The following CCDC138 variants were observed in gnomAD, a reference collection of about 807,000 sequenced individuals.
CCDC138 encodes the protein coiled-coil domain-containing protein 138.
Under a neutral mutation model 82.3 loss-of-function variants are expected in CCDC138, and 66 were observed. The ratio of observed to expected loss-of-function variants is 0.80; its 90% CI spans 0.66 to 0.98. CCDC138 has a LOEUF of 0.98. Among genes scored for constraint, CCDC138 ranks in the 50% least tolerant of loss-of-function variants. The pLI is 0.00. For synonymous variants in CCDC138, 297 were observed against 265.4 expected, an observed-to-expected ratio of 1.12 and a Z score of -1.16; for missense variants, 816 against 758.9, an observed-to-expected ratio of 1.08 and a Z score of -0.88.
chr2:108,815,461 GTTTTT>G (rs35206784), intron 9 of CCDC138, among the ~76,000 whole-genome samples: 24 of 70,740 alleles, frequency 3.4e-4, no homozygotes, highest in African/African-American at 1.2e-3. Flanking sequence ...GGTTTTTGGT[GTTTTT>G]TTTTTTTTTT....
At chr2:108,799,951 G>A (rs1681613861) in intron 6 of CCDC138, among the ~76,000 whole-genome samples, 1 of 151,790 alleles carries the variant, frequency 6.6e-6, no homozygotes. Context: ...ATTTCAAGTT[G>A]TTTAAAAAAT....
intron 13 of CCDC138, among the ~76,000 whole-genome samples, chr2:108,860,787 A>G (rs1693430449): frequency 6.6e-6 from 1 of 151,674 alleles, no homozygotes; most frequent in African/African-American, 2.4e-5. Context: ...TCTTTGCCAG[A>G]TTTTGGCATC....
intron 5 of CCDC138, 68 bp from the exon 6 acceptor site, chr2:108,798,360 C>T: frequency 1.3e-6 from 2 of 1,543,956 alleles, no homozygotes; most frequent in Admixed American, 2.0e-5. Flanking sequence ...ACAGTGTCAG[C>T]CAATAGGAAT....
intron 4 of CCDC138, among the ~76,000 whole-genome samples, chr2:108,792,424 T>G (rs1680054307): frequency 1.3e-5 from 2 of 152,170 alleles, no homozygotes; most frequent in Non-Finnish European, 2.9e-5. Flanking sequence ...GTGGAAAACA[T>G]GGGATAAGGT....
Position 108,811,247 on chromosome 2 carries a change from C to CTCTTTTTTTTTTTTTTTTTTTTT in CCDC138, c.856-1383_856-1382insCTTTTTTTTTTTTTTTTTTTTTT, listed in dbSNP as rs760937756. On this transcript the variant is annotated intron_variant, in intron 7 of 14. Transcript: ENST00000295124. ...CTCCCTTTTCTTTCTTTCTCTCTCT[C>CTCTTTTTTTTTTTTTTTTTTTTT]TTTTTTTTTTTTTTTGACTGTCTCC... Among the ~76,000 whole-genome samples the CTCTTTTTTTTTTTTTTTTTTTTT allele has an allele frequency of 1.1e-3, 124 of 113,830 alleles. 4 individuals are homozygous for CTCTTTTTTTTTTTTTTTTTTTTT. The highest frequency in any genetic ancestry group is 4.7e-3 in the African/African-American group (122 of 26,208). The allele number at this position is 113,830 out of a possible 152,430, so 74.7% of individuals were successfully genotyped here.
intron 7 of CCDC138, among the ~76,000 whole-genome samples, chr2:108,807,328 C>G (rs932983807): frequency 1.3e-5 from 2 of 152,002 alleles, no homozygotes; most frequent in African/African-American, 4.8e-5. Flanking sequence ...AATTTGAAAA[C>G]TAAAAAATAC....
intron 13 of CCDC138, among the ~76,000 whole-genome samples, chr2:108,868,737 G>T (rs918433850): frequency 1.3e-5 from 2 of 152,014 alleles, no homozygotes; most frequent in Admixed American, 6.6e-5. Context: ...GCTTTGTTAT[G>T]TAGAGCCTTT....
At chr2:108,812,481 C>T (rs559820968) in intron 7 of CCDC138, 150 bp from the exon 8 acceptor site, 2 of 599,842 alleles carry the variant, frequency 3.3e-6, no homozygotes, top group South Asian at 2.3e-5. Context: ...ACGACAACTT[C>T]AGTTGTGATC....
chr2:108,865,800 G>A (rs1694320179), intron 13 of CCDC138, among the ~76,000 whole-genome samples: 1 of 152,090 alleles, frequency 6.6e-6, no homozygotes, highest in African/African-American at 2.4e-5. Flanking sequence ...TGCTTACTCC[G>A]TGATGAGCCA....
chr2:108,837,460 G>A (rs186741905), intron 10 of CCDC138, among the ~76,000 whole-genome samples: 86 of 152,176 alleles, frequency 5.7e-4, no homozygotes, highest in Admixed American at 7.2e-4. Context: ...ATGGTAGACC[G>A]TATATATGAT....
intron 9 of CCDC138, among the ~76,000 whole-genome samples, chr2:108,815,508 C>G (rs1466094969): frequency 2.3e-5 from 3 of 127,706 alleles, no homozygotes; most frequent in African/African-American, 5.8e-5. Flanking sequence ...GCTCTTTTGC[C>G]CAGATTGGTG....
At chr2:108,808,517 A>G (rs1683235473) in intron 7 of CCDC138, among the ~76,000 whole-genome samples, 3 of 152,278 alleles carry the variant, frequency 2.0e-5, no homozygotes, top group African/African-American at 7.2e-5. Context: ...ATCCTCACCA[A>G]CGTTTATTAC....
At chr2:108,828,165 A>G (rs964384955) in intron 10 of CCDC138, among the ~76,000 whole-genome samples, 1 of 152,190 alleles carries the variant, frequency 6.6e-6, no homozygotes, top group Non-Finnish European at 1.5e-5. Flanking sequence ...ACACCAAAAT[A>G]TATTGTAGAT....
chr2:108,796,782 T>C (rs1006533529), intron 5 of CCDC138, among the ~76,000 whole-genome samples: 3 of 151,992 alleles, frequency 2.0e-5, no homozygotes, highest in African/African-American at 7.3e-5. Context: ...GTGGGTCTCA[T>C]AGAAATAGAG....
downstream of CCDC138, among the ~76,000 whole-genome samples, chr2:108,877,653 C>A (rs57332691): frequency 0.013 from 2,000 of 152,248 alleles, 62 homozygotes; most frequent in South Asian, 0.082. Flanking sequence ...CCTGGCACTT[C>A]TGCATGGCAG....
At chr2:108,805,801 C>T in intron 7 of CCDC138, among the ~76,000 whole-genome samples, 1 of 152,090 alleles carries the variant, frequency 6.6e-6, no homozygotes, top group Middle Eastern at 3.4e-3. Context: ...TGAGTTATGT[C>T]TATTTTTTTC....
chr2:108,806,484 T>C (rs892805844), intron 7 of CCDC138, among the ~76,000 whole-genome samples: 2 of 152,318 alleles, frequency 1.3e-5, no homozygotes, highest in South Asian at 4.1e-4. Flanking sequence ...TTTTATGGTT[T>C]CTGTGTTAAG....
intron 2 of CCDC138, chr2:108,884,473 C>T (rs1478515): frequency 0.71 from 107,497 of 152,130 alleles, 41,377 homozygotes; most frequent in East Asian, 0.9. Context: ...TGTTCCCATT[C>T]TGAAAAGCTT....
rs763105841 is a variant in CCDC138 at position 108,812,849 on chromosome 2, A to G, written c.963A>G (p.Arg321=). Residue 321 remains arginine, a synonymous_variant, in exon 9 of 15, where the codon AGA becomes AGG. Transcript: ENST00000295124. ...AGTACGAGTTTATGACAATACAGAG[A>G]TTGAAAGGAAGTTCCCATGCTGTTC... The part of the protein sequence containing the change: ...QRKYEFMTIQ[R]LKGSSHAVHE... 1 of 1,613,356 alleles carries G rather than the reference A, an allele frequency of 6.2e-7. No homozygotes were observed. The highest frequency in any genetic ancestry group is 1.7e-5 in the Admixed American group (1 of 59,986).
Sources: gnomAD v4.1 joint callset for allele counts (sites outside exome capture counted in the v4.1 genomes callset) on GRCh38, gnomAD v4.1.1 for gene constraint, MANE v1.5 for transcripts, NCBI Gene and HGNC (gene_info 2026-07-23, HGNC 2026-07-21) for gene names.